Variants in FGD4 observed in about 807,000 individuals in gnomAD.
FGD4 encodes the protein FYVE, RhoGEF and PH domain containing 4, also known as FYVE, RhoGEF and PH domain-containing protein 4.
A neutral mutation model predicts 102.0 loss-of-function variants in FGD4; 42 were observed. The ratio of observed to expected loss-of-function variants is 0.41; its 90% CI spans 0.32 to 0.53. The LOEUF (loss-of-function observed/expected upper bound fraction) is 0.53. FGD4 is among the 20% of genes least tolerant of loss of function. FGD4 has a pLI of 0.21. For missense variants in FGD4, 902 were observed against 1,078.2 expected (o/e 0.84, Z 2.29); for synonymous variants, 380 against 375.7 (o/e 1.01, Z -0.13).
chr12:32,494,040 A>G (rs1482294155), intron 1 of FGD4, among the ~76,000 whole-genome samples: 2 of 152,132 alleles, frequency 1.3e-5, no homozygotes, highest in African/African-American at 4.8e-5. Context: ...TTTGTAGTCA[A>G]ACTTCGTCAG....
intron 7 of FGD4, among the ~76,000 whole-genome samples, chr12:32,603,261 G>C (rs1023329967): frequency 2.6e-5 from 4 of 152,220 alleles, no homozygotes; most frequent in Admixed American, 6.5e-5. Flanking sequence ...CAGCATACAT[G>C]GTTGTTCTGT....
intron 1 of FGD4, among the ~76,000 whole-genome samples, chr12:32,524,351 G>A (rs1429830895): frequency 1.4e-5 from 2 of 139,142 alleles, no homozygotes; most frequent in Non-Finnish European, 3.0e-5. Context: ...AGCCGAGATC[G>A]CGCCATTGCA....
intron 1 of FGD4, among the ~76,000 whole-genome samples, chr12:32,469,232 A>C (rs1230393100): frequency 6.6e-6 from 1 of 152,110 alleles, no homozygotes; most frequent in Non-Finnish European, 1.5e-5. Context: ...TTATTTATAT[A>C]TACTAGAAAT....
At chr12:32,591,738 C>T (rs1979826) in intron 4 of FGD4, among the ~76,000 whole-genome samples, 58,806 of 151,958 alleles carry the variant, frequency 0.39, 12,342 homozygotes, top group African/African-American at 0.55. Context: ...TCTGGTGACA[C>T]CTGAAAATGA....
intron 1 of FGD4, among the ~76,000 whole-genome samples, chr12:32,472,319 C>T (rs1285693080): frequency 2.0e-5 from 3 of 152,200 alleles, no homozygotes; most frequent in Admixed American, 1.3e-4. Flanking sequence ...ACCAGGGCTG[C>T]GTGTGGCGCT....
At chr12:32,534,116 A>G (rs1025279096) in intron 1 of FGD4, among the ~76,000 whole-genome samples, 3 of 152,228 alleles carry the variant, frequency 2.0e-5, no homozygotes, top group African/African-American at 7.2e-5. Context: ...CCATTTAGAA[A>G]TCGCCCTATT....
At chr12:32,590,990 G>T (rs137925615) in intron 4 of FGD4, among the ~76,000 whole-genome samples, 1 of 152,096 alleles carries the variant, frequency 6.6e-6, no homozygotes, top group Non-Finnish European at 1.5e-5. Context: ...CCCAATGAAG[G>T]CTTCAGTTTG....
intron 1 of FGD4, among the ~76,000 whole-genome samples, chr12:32,513,417 A>G (rs1438942255): frequency 1.3e-5 from 2 of 152,240 alleles, no homozygotes; most frequent in Non-Finnish European, 2.9e-5. Flanking sequence ...GGTGTGGGAC[A>G]TGATCCAGTG....
At chr12:32,470,545 C>G (rs2136516929) in intron 1 of FGD4, among the ~76,000 whole-genome samples, 1 of 149,290 alleles carries the variant, frequency 6.7e-6, no homozygotes, top group South Asian at 2.1e-4. Context: ...CTCATTGCTC[C>G]TGGGTTCAAG....
intron 1 of FGD4, among the ~76,000 whole-genome samples, chr12:32,432,355 C>T (rs1178524266): frequency 1.8e-4 from 8 of 44,754 alleles, no homozygotes; most frequent in Admixed American, 5.6e-4. Context: ...CCACCGCGCC[C>T]GACCAATCCT....
chr12:32,517,925 T>C lies in FGD4; in HGVS notation c.167-46212T>C, dbSNP rs529103948. Among the ~76,000 whole-genome samples the C allele has an allele frequency of 9.2e-5, 14 of 152,310 alleles. No homozygotes were observed. The South Asian group carries it at 2.3e-3, about 25-fold the overall frequency. Reference sequence around the variant, plus strand: ...TTGGAAGAATTCAACTTGAAATCATTTTGGAGATTCCCTCCCACCCAACCC... The same window carrying C: ...TTGGAAGAATTCAACTTGAAATCATCTTGGAGATTCCCTCCCACCCAACCC... On this transcript the variant is annotated intron_variant, in intron 1 of 16. Coordinates refer to ENST00000534526, the MANE Select transcript of FGD4 (RefSeq NM_001370298.3).
chr12:32,484,584 T>C (rs1435925730), intron 1 of FGD4, among the ~76,000 whole-genome samples: 1 of 152,188 alleles, frequency 6.6e-6, no homozygotes, highest in Non-Finnish European at 1.5e-5. Context: ...AAAATACCCC[T>C]TTTTAGGCTG....
intron 1 of FGD4, among the ~76,000 whole-genome samples, chr12:32,509,326 G>A (rs1387559226): frequency 2.0e-5 from 3 of 149,524 alleles, no homozygotes; most frequent in African/African-American, 7.4e-5. Context: ...CAGTAGCAGC[G>A]AGGGTACAGA....
At chr12:32,453,153 G>C (rs116593214) in intron 1 of FGD4, among the ~76,000 whole-genome samples, 1 of 141,934 alleles carries the variant, frequency 7.0e-6, no homozygotes, top group Non-Finnish European at 1.5e-5. Context: ...TTTATAAAAC[G>C]TGTGTGTGTA....
chr12:32,471,880 T>C (rs946193237), intron 1 of FGD4, among the ~76,000 whole-genome samples: 1 of 152,184 alleles, frequency 6.6e-6, no homozygotes, highest in Non-Finnish European at 1.5e-5. Context: ...AAGGCAGTAA[T>C]AGGCCCAGCC....
chr12:32,636,318 G>A (rs1038236814), intron 15 of FGD4, among the ~76,000 whole-genome samples: 11 of 151,916 alleles, frequency 7.2e-5, no homozygotes, highest in South Asian at 2.1e-4. Context: ...TGGATCACCC[G>A]AGGACAGGAG....
chr12:32,438,781 G>GT (rs1485298911), intron 1 of FGD4, among the ~76,000 whole-genome samples: 20 of 151,524 alleles, frequency 1.3e-4, no homozygotes, highest in South Asian at 1.0e-3. Flanking sequence ...AATTTTCTGT[G>GT]TTTTTTTTAG....
chr12:32,440,025 T>C (rs963653762), intron 1 of FGD4, among the ~76,000 whole-genome samples: 7 of 148,872 alleles, frequency 4.7e-5, no homozygotes, highest in African/African-American at 1.8e-4. Context: ...GTTAAATTTA[T>C]CAGATAGAAT....
chr12:32,618,187 C>A (rs941105254), intron 10 of FGD4, among the ~76,000 whole-genome samples: 1 of 152,196 alleles, frequency 6.6e-6, no homozygotes, highest in Non-Finnish European at 1.5e-5. Flanking sequence ...GGACAAGTAT[C>A]GGATAACTCA....
Sources: gnomAD v4.1 joint callset for allele counts (sites outside exome capture counted in the v4.1 genomes callset) on GRCh38, gnomAD v4.1.1 for gene constraint, MANE v1.5 for transcripts, NCBI Gene and HGNC (gene_info 2026-07-23, HGNC 2026-07-21) for gene names.